The following CBFA2T3 variants were observed in gnomAD, a reference collection of about 807,000 sequenced individuals.
CBFA2T3 encodes transcriptional corepressor CBFA2T3.
A neutral mutation model predicts 58.6 loss-of-function variants in CBFA2T3; 31 were observed. The ratio of observed to expected loss-of-function variants is 0.53; its 90% confidence interval spans 0.40 to 0.71. CBFA2T3 has a LOEUF of 0.71. Among genes scored for constraint, CBFA2T3 ranks in the 30% least tolerant of loss-of-function variants. The pLI is 0.00. For synonymous variants in CBFA2T3, 531 were observed against 421.9 expected (o/e 1.26, Z -3.17); for missense variants, 1,076 against 963.1 (o/e 1.12, Z -1.55).
chr16:88,895,586 G>A (rs867219562), intron 3 of CBFA2T3, among the ~76,000 whole-genome samples: 3 of 152,242 alleles, frequency 2.0e-5, no homozygotes, highest in East Asian at 1.9e-4. Context: ...GGGGGAGGCC[G>A]GCCCTGTGCT....
Position 88,891,976 on chromosome 16 carries a change from A to C in CBFA2T3, c.622-5T>G, listed in dbSNP as rs756608268. The C allele has an allele frequency of 6.2e-7, 1 of 1,611,062 alleles. No individual in the cohort carries two copies. Among genetic ancestry groups the C allele is most frequent in the Non-Finnish European group, 8.5e-7 (1 of 1,178,224 alleles). On this transcript the variant is annotated splice_region_variant and splice_polypyrimidine_tract_variant and intron_variant, in intron 4 of 11. Coordinates refer to ENST00000268679, the MANE Select transcript of CBFA2T3 (RefSeq NM_005187.6). ...CTCGATCGTCAATGTCGAGTTCTGC[A>C]GGGGAGAAAACCCACCTCACATCAG...
intron 7 of CBFA2T3, among the ~76,000 whole-genome samples, chr16:88,884,401 G>A (rs966406916): frequency 9.9e-5 from 15 of 152,236 alleles, no homozygotes; most frequent in African/African-American, 2.2e-4. Flanking sequence ...CACAGAGGCC[G>A]TCAAAACGTC....
At chr16:88,974,970 G>A (rs1339391557) in intron 1 of CBFA2T3, among the ~76,000 whole-genome samples, 3 of 152,168 alleles carry the variant, frequency 2.0e-5, no homozygotes, top group South Asian at 2.1e-4. Flanking sequence ...GAATAGGGCC[G>A]GGTGGTTGCA....
intron 1 of CBFA2T3, among the ~76,000 whole-genome samples, chr16:88,975,154 G>GCCCACCC (rs1567643867): frequency 8.3e-5 from 12 of 144,238 alleles, no homozygotes; most frequent in African/African-American, 2.6e-4. Context: ...CATGTCAGAG[G>GCCCACCC]TCCACCCTGA....
intron 1 of CBFA2T3, among the ~76,000 whole-genome samples, chr16:88,946,839 G>T (rs1971916806): frequency 6.6e-6 from 1 of 152,112 alleles, no homozygotes; most frequent in Non-Finnish European, 1.5e-5. Flanking sequence ...AGGCTGGAGT[G>T]CAGTAGCGTG....
intron 1 of CBFA2T3, among the ~76,000 whole-genome samples, chr16:88,908,777 C>T (rs1236429249): frequency 1.3e-5 from 2 of 152,386 alleles, no homozygotes; most frequent in African/African-American, 2.4e-5. Flanking sequence ...AGCCTTGGGG[C>T]ATAGGACGCT....
chr16:88,887,372 G>T (rs945308785), intron 5 of CBFA2T3, among the ~76,000 whole-genome samples: 1 of 152,226 alleles, frequency 6.6e-6, no homozygotes, highest in Non-Finnish European at 1.5e-5. Context: ...CCCCTCCCCA[G>T]GGGCCTCCTC....
chr16:88,900,058 C>T (rs183593119), intron 2 of CBFA2T3, among the ~76,000 whole-genome samples: 6 of 152,360 alleles, frequency 3.9e-5, no homozygotes, highest in South Asian at 2.1e-4. Context: ...CACTAGAAAC[C>T]GTGGCCAGCT....
At chr16:88,878,214 T>C (rs1207216546) in intron 11 of CBFA2T3, among the ~76,000 whole-genome samples, 1 of 152,214 alleles carries the variant, frequency 6.6e-6, no homozygotes. Flanking sequence ...ACTGCACGCC[T>C]CACTTCTGCG....
chr16:88,963,253 A>ATCTTCTGCCAGGGGTGGGCCCTCG (rs1972413464), intron 1 of CBFA2T3, among the ~76,000 whole-genome samples: 7 of 114,842 alleles, frequency 6.1e-5, no homozygotes, highest in Non-Finnish European at 1.1e-4. Flanking sequence ...GTGGGCGCTC[A>ATCTTCTGCCAGGGGTGGGCCCTCG]TCTTCTGCCA....
At position 88,892,409 on chromosome 16, in the gene CBFA2T3, C is replaced by T. The variant is rs551002562; in HGVS notation, c.456G>A (p.Pro152=). 1.8e-5 allele frequency: 29 copies of T among 1,613,508 alleles called. No homozygotes were observed. Among genetic ancestry groups the T allele is most frequent in the East Asian group, 1.8e-4 (8 of 44,878 alleles). The change falls in exon 4 of 12, where the codon CCG becomes CCA. Residue 152 remains proline, a synonymous_variant. Transcript: ENST00000268679. ...PCTPNGFSNG[P]ATSSTASLST... ...ACAAGGAGGCTGTGGACGAGGTGGC[C>T]GGGCCATTGCTGAAGCCGTTGGGTG...
At chr16:88,924,572 C>T (rs1234778159) in intron 1 of CBFA2T3, among the ~76,000 whole-genome samples, 2 of 152,086 alleles carry the variant, frequency 1.3e-5, no homozygotes, top group East Asian at 3.9e-4. Flanking sequence ...GGTGCTGTGT[C>T]GTGGGGCCTC....
chr16:88,932,602 G>C (rs1050176507), intron 1 of CBFA2T3, among the ~76,000 whole-genome samples: 6 of 151,786 alleles, frequency 4.0e-5, no homozygotes, highest in African/African-American at 7.3e-5. Context: ...AGCCATGATC[G>C]CACCACTGCA....
Position 88,976,770 on chromosome 16 carries a change from G to A in CBFA2T3, c.38C>T (p.Ser13Leu), listed in dbSNP as rs1267494763. The A allele has an allele frequency of 2.6e-6, 4 of 1,556,690 alleles. No homozygotes were observed. Among genetic ancestry groups the A allele is most frequent in the Middle Eastern group, 3.3e-4 (2 of 5,992 alleles). The stretch of plus-strand genomic sequence containing the variant: ...GGAGCCACAGGTGGATCCCGAGGCT[G>A]AACTGGCTGCCCTGTCCCTCAGTCT... ...ASRLRDRAAS[S>L]ASGSTCGSMS... The change falls in exon 1 of 12, where the codon TCA becomes TTA. Residue 13 changes from serine (S) to leucine (L), a missense_variant. Transcript: ENST00000268679.
At chr16:88,910,962 G>A (rs947100054) in intron 1 of CBFA2T3, among the ~76,000 whole-genome samples, 4 of 131,304 alleles carry the variant, frequency 3.0e-5, no homozygotes, top group Admixed American at 6.9e-5. Context: ...AGCCTCAGGC[G>A]CTGCCCTGCG....
At position 88,876,315 on chromosome 16, in the gene CBFA2T3, T is replaced by C. The variant is rs1010818886; in HGVS notation, c.*661A>G. ...GGAAAAAAAAATCTGAAACCAAAAA[T>C]GCATCTTGAGTCAGAAATCGAAATC... On this transcript the variant is annotated 3_prime_UTR_variant, in exon 12 of 12. Coordinates refer to ENST00000268679, the MANE Select transcript of CBFA2T3 (RefSeq NM_005187.6). 12 of 227,996 alleles carry C rather than the reference T, an allele frequency of 5.3e-5. No homozygotes were observed. The highest frequency in any genetic ancestry group is 2.4e-4 in the African/African-American group (11 of 45,024). The allele number at this position is 227,996 out of a possible 1,614,324, so 14.1% of individuals were successfully genotyped here. A position where few individuals can be genotyped will look rare whatever the true frequency, so the allele number is the denominator to read the frequency against.
At chr16:88,908,652 A>G (rs762073878) in intron 1 of CBFA2T3, among the ~76,000 whole-genome samples, 1 of 152,106 alleles carries the variant, frequency 6.6e-6, no homozygotes, top group African/African-American at 2.4e-5. Flanking sequence ...TGGAAGGAGG[A>G]CCCATGGACA....
intron 5 of CBFA2T3, among the ~76,000 whole-genome samples, chr16:88,887,647 G>A (rs1371102282): frequency 6.6e-6 from 1 of 152,210 alleles, no homozygotes; most frequent in Non-Finnish European, 1.5e-5. Flanking sequence ...AAGGCCTGCG[G>A]AATGGGGTGG....
At chr16:88,952,757 C>G (rs540045457) in intron 1 of CBFA2T3, among the ~76,000 whole-genome samples, 4 of 152,160 alleles carry the variant, frequency 2.6e-5, no homozygotes, top group African/African-American at 9.7e-5. Context: ...AGACGCCTCC[C>G]ATACCCCCAT....
Sources: gnomAD v4.1 joint callset for allele counts (sites outside exome capture counted in the v4.1 genomes callset) on GRCh38, gnomAD v4.1.1 for gene constraint, MANE v1.5 for transcripts, NCBI Gene and HGNC (gene_info 2026-07-23, HGNC 2026-07-21) for gene names.